The following RB1CC1 variants were observed in gnomAD, a reference collection of about 807,000 sequenced individuals.
The protein encoded by RB1CC1 is RB1 inducible coiled-coil 1.
In RB1CC1, 46 loss-of-function variants were observed where a neutral mutation model predicts 177.5. That is an observed-to-expected ratio of 0.26 (90% CI 0.20 to 0.33). The LOEUF is 0.33. Ranked by LOEUF, RB1CC1 falls within the 10% of genes least tolerant of loss-of-function variation. The pLI is 1.00. For synonymous variants in RB1CC1, 666 were observed against 613.6 expected, an observed-to-expected ratio of 1.09 and a Z score of -1.26; for missense variants, 1,703 against 1,816.3, an observed-to-expected ratio of 0.94 and a Z score of 1.13.
chr8:52,628,189 T>G (rs1368531029), intron 21 of RB1CC1, 21 bp from the exon 22 acceptor site: 2 of 1,601,764 alleles, frequency 1.2e-6, no homozygotes, highest in East Asian at 2.2e-5. Flanking sequence ...AAATGCAATT[T>G]TATTGACTTA....
chr8:52,651,138 G>C (rs1301539836), intron 15 of RB1CC1, among the ~76,000 whole-genome samples: 1 of 152,210 alleles, frequency 6.6e-6, no homozygotes, highest in African/African-American at 2.4e-5. Flanking sequence ...CAAGAGGAGG[G>C]ACAATGTGGA....
intron 23 of RB1CC1, 75 bp from the exon 24 acceptor site, chr8:52,623,934 A>G (rs1554522356): frequency 1.0e-6 from 1 of 961,312 alleles, no homozygotes; most frequent in Non-Finnish European, 1.6e-6. Flanking sequence ...ACACACACAC[A>G]CCCAAAAAAC....
chr8:52,625,537 A>C (rs1007024795), intron 22 of RB1CC1, among the ~76,000 whole-genome samples: 1 of 152,210 alleles, frequency 6.6e-6, no homozygotes, highest in Non-Finnish European at 1.5e-5. Context: ...ATGCCTTTCA[A>C]CTTATGATAA....
chr8:52,664,405 T>C (rs1851885191), intron 8 of RB1CC1, among the ~76,000 whole-genome samples: 1 of 152,134 alleles, frequency 6.6e-6, no homozygotes, highest in South Asian at 2.1e-4. Context: ...AATATTTAAT[T>C]GTCTCGAAAT....
At chr8:52,698,111 G>A (rs1175444834) in intron 1 of RB1CC1, among the ~76,000 whole-genome samples, 1 of 152,014 alleles carries the variant, frequency 6.6e-6, no homozygotes, top group Non-Finnish European at 1.5e-5. Flanking sequence ...ATCTCGTCCT[G>A]TCACCCAGGC....
At chr8:52,668,473 A>G (rs1332638209) in intron 7 of RB1CC1, among the ~76,000 whole-genome samples, 2 of 152,192 alleles carry the variant, frequency 1.3e-5, no homozygotes, top group African/African-American at 4.8e-5. Flanking sequence ...TATCTCTCAG[A>G]AAAAGGTATT....
chr8:52,632,743 C>T (rs1354596830), intron 20 of RB1CC1, among the ~76,000 whole-genome samples: 1 of 152,124 alleles, frequency 6.6e-6, no homozygotes, highest in East Asian at 1.9e-4. Flanking sequence ...AAGCTGGGAA[C>T]TACATCAAGC....
chr8:52,660,550 T>C, intron 12 of RB1CC1, 46 bp downstream of exon 12: 3 of 1,492,168 alleles, frequency 2.0e-6, no homozygotes, highest in African/African-American at 1.4e-5. Context: ...GAAAAAAGGT[T>C]TTAAAACATA....
At chr8:52,631,539 A>G (rs893133361) in intron 20 of RB1CC1, among the ~76,000 whole-genome samples, 2 of 152,216 alleles carry the variant, frequency 1.3e-5, no homozygotes, top group Non-Finnish European at 2.9e-5. Context: ...AAAATGTTGT[A>G]AGTAACTAGA....
At chr8:52,661,408 TA>T in intron 9 of RB1CC1, 126 bp downstream of exon 9, 1 of 1,457,126 alleles carries the variant, frequency 6.9e-7, no homozygotes. Context: ...AAAAATAGTC[TA>T]ATTCCAAAGT....
intron 23 of RB1CC1, 77 bp from the exon 24 acceptor site, chr8:52,623,936 C>CA: frequency 1.3e-5 from 11 of 846,514 alleles, no homozygotes; most frequent in Non-Finnish European, 1.7e-5. Context: ...ACACACACAC[C>CA]CAAAAAACAA....
At chr8:52,624,391 T>C (rs1848237265) in intron 23 of RB1CC1, among the ~76,000 whole-genome samples, 1 of 152,024 alleles carries the variant, frequency 6.6e-6, no homozygotes, top group Non-Finnish European at 1.5e-5. Flanking sequence ...ACTGTATTTA[T>C]AAATAAAATT....
Position 52,660,646 on chromosome 8 carries a change from A to G in RB1CC1, c.1639T>C (p.Leu547=). 1 of 1,599,844 alleles carries G rather than the reference A, an allele frequency of 6.3e-7. No individual in the cohort carries two copies. Among genetic ancestry groups the G allele is most frequent in the East Asian group, 2.2e-5 (1 of 44,648 alleles). The change falls in exon 12 of 24, where the codon TTA becomes CTA. Residue 547 remains leucine (L), a synonymous_variant. Transcript: ENST00000025008. ...AGTCCCCTAAACAGACGATTTCTTAAAAAAGACTTCCCTGTATAAAGAAAT... is the reference window on the plus strand; with the variant it reads ...AGTCCCCTAAACAGACGATTTCTTAGAAAAGACTTCCCTGTATAAAGAAAT... The part of the protein sequence containing the change: ...SFGKLFRKSF[L]RNRLFRGLDS...
chr8:52,697,844 G>A (rs1274813109), intron 1 of RB1CC1, among the ~76,000 whole-genome samples: 2 of 152,158 alleles, frequency 1.3e-5, no homozygotes, highest in African/African-American at 4.8e-5. Flanking sequence ...TTTCTGGAAA[G>A]CAACTGGTGT....
In RB1CC1 at chr8:52,657,803, C is replaced by T. The variant is rs773072964; in HGVS notation, c.2026G>A (p.Val676Ile). 6.2e-7 allele frequency: 1 copy of T among 1,613,478 alleles called. No homozygotes were observed. Among genetic ancestry groups the T allele is most frequent in the Non-Finnish European group, 8.5e-7 (1 of 1,179,880 alleles). The change falls in exon 15 of 24, where the codon GTT (valine) becomes ATT (isoleucine). Residue 676 changes from valine to isoleucine, a missense_variant. Coordinates refer to ENST00000025008, the MANE Select transcript of RB1CC1 (RefSeq NM_014781.5). Reference protein sequence around the residue: ...TSPRTPPPLTVQDPLCPAVCP... With the variant: ...TSPRTPPPLTIQDPLCPAVCP... ...ACTGCAGGACATAAGGGATCCTGAA[C>T]AGTCAGTGGTGGAGGAGTTCTCGGT...
intron 18 of RB1CC1, 95 bp downstream of exon 18, chr8:52,642,256 C>T: frequency 1.4e-6 from 2 of 1,451,664 alleles, no homozygotes; most frequent in Non-Finnish European, 1.8e-6. Flanking sequence ...GGGCTGTGGA[C>T]AACCAGTAAT....
At chr8:52,707,001 T>C (rs1230592188) in intron 1 of RB1CC1, among the ~76,000 whole-genome samples, 1 of 152,144 alleles carries the variant, frequency 6.6e-6, no homozygotes, top group Non-Finnish European at 1.5e-5. Flanking sequence ...AACAGAACTG[T>C]GAAAAGAACA....
At chr8:52,675,712 TCCAAAAAAA>T (rs1237757876) in intron 6 of RB1CC1, among the ~76,000 whole-genome samples, 4 of 48,422 alleles carry the variant, frequency 8.3e-5, no homozygotes, top group Admixed American at 2.8e-4. Context: ...CTACTAAAAA[TCCAAAAAAA>T]AAAAAAAAAA....
At chr8:52,683,406 A>G in intron 5 of RB1CC1, 143 bp downstream of exon 5, 1 of 706,856 alleles carries the variant, frequency 1.4e-6, no homozygotes, top group Non-Finnish European at 2.0e-6. Flanking sequence ...AGAAATTTTA[A>G]AACTAGATAT....
Sources: allele counts gnomAD v4.1 joint callset (sites outside exome capture counted in the v4.1 genomes callset), GRCh38; gene constraint gnomAD v4.1.1; transcripts MANE v1.5; gene names NCBI Gene and HGNC (gene_info 2026-07-23, HGNC 2026-07-21).